Variants in PARD3 observed in about 807,000 individuals in gnomAD.
PARD3 encodes the protein par-3 family cell polarity regulator, also known as partitioning defective 3 homolog.
Under a neutral mutation model 155.4 loss-of-function variants are expected in PARD3, and 75 were observed. The ratio of observed to expected loss-of-function variants is 0.48; its 90% CI spans 0.40 to 0.58. PARD3 has a LOEUF of 0.58. PARD3 is among the 20% of genes least tolerant of loss of function. The pLI is 0.00. For synonymous variants in PARD3, 576 were observed against 610.5 expected (o/e 0.94, Z 0.83); for missense variants, 1,642 against 1,721.7 (o/e 0.95, Z 0.82).
At chr10:34,465,697 T>C (rs1228189750) in intron 4 of PARD3, among the ~76,000 whole-genome samples, 2 of 152,228 alleles carry the variant, frequency 1.3e-5, no homozygotes. Flanking sequence ...GTTTTTATAC[T>C]AAGTCTACCT....
intron 2 of PARD3, among the ~76,000 whole-genome samples, chr10:34,639,739 A>T (rs1479354234): frequency 6.6e-6 from 1 of 151,898 alleles, no homozygotes; most frequent in Non-Finnish European, 1.5e-5. Context: ...ACATGCTTGT[A>T]CCTGTAGTCC....
chr10:34,376,347 A>C (rs1226674946), intron 10 of PARD3, among the ~76,000 whole-genome samples: 1 of 152,242 alleles, frequency 6.6e-6, no homozygotes, highest in Non-Finnish European at 1.5e-5. Flanking sequence ...TTATGTGATA[A>C]AAGAAAAAAG....
intron 22 of PARD3, among the ~76,000 whole-genome samples, chr10:34,213,936 C>CTAG (rs1364389178): frequency 6.6e-6 from 1 of 152,022 alleles, no homozygotes; most frequent in Non-Finnish European, 1.5e-5. Flanking sequence ...GTTGCCCAGG[C>CTAG]TAGAGTGCAG....
intron 22 of PARD3, among the ~76,000 whole-genome samples, chr10:34,197,824 G>C (rs1369087499): frequency 6.6e-6 from 1 of 152,194 alleles, no homozygotes; most frequent in African/African-American, 2.4e-5. Context: ...CTGCCTCCCA[G>C]GTTCAAGTGA....
At chr10:34,777,003 A>ATTTTTT (rs758917237) in intron 1 of PARD3, among the ~76,000 whole-genome samples, 14 of 122,388 alleles carry the variant, frequency 1.1e-4, no homozygotes, top group African/African-American at 2.4e-4. Context: ...TGTCTGGCTA[A>ATTTTTT]TTTTTTTTTT....
intron 2 of PARD3, among the ~76,000 whole-genome samples, chr10:34,521,852 T>C (rs533642828): frequency 6.6e-6 from 1 of 152,324 alleles, no homozygotes; most frequent in African/African-American, 2.4e-5. Context: ...TGTAGCAAAG[T>C]GGCTAACAGC....
intron 2 of PARD3, among the ~76,000 whole-genome samples, chr10:34,615,722 C>T (rs960740572): frequency 1.6e-4 from 25 of 152,044 alleles, no homozygotes; most frequent in African/African-American, 5.8e-4. Flanking sequence ...GTAAAATATA[C>T]GATATATAAG....
rs139470981 is a variant in PARD3, at chr10:34,341,668, A to G, written c.2367T>C (p.Ala789=). ...TGATTGCAGCCTTGGCCCAAGTACC[A>G]GCATCTGCCGTCACAAACCCCACAT... is the stretch of plus-strand genomic sequence containing the variant. ...HDDVGFVTAD[A]GTWAKAAISD... is the part of the protein sequence containing the mutation. The change falls in exon 16 of 25, where the codon GCT becomes GCC. Residue 789 remains alanine, a synonymous_variant. Coordinates refer to ENST00000374788, the MANE Select transcript of PARD3 (RefSeq NM_001184785.2). 5.3e-5 allele frequency: 86 copies of G among 1,613,886 alleles called. No homozygotes were observed. The East Asian group carries it at 1.9e-3, about 36-fold the overall frequency.
intron 1 of PARD3, among the ~76,000 whole-genome samples, chr10:34,768,659 A>G (rs1328960643): frequency 1.3e-5 from 2 of 152,184 alleles, no homozygotes; most frequent in Admixed American, 6.5e-5. Context: ...TCCTTTCACA[A>G]GCCCTATTAC....
chr10:34,673,588 C>T (rs2093646050), intron 2 of PARD3, among the ~76,000 whole-genome samples: 1 of 152,172 alleles, frequency 6.6e-6, no homozygotes, highest in Admixed American at 6.5e-5. Context: ...ACACATTACT[C>T]CTTTAGGGCT....
intron 1 of PARD3, among the ~76,000 whole-genome samples, chr10:34,712,618 T>C (rs2094463888): frequency 6.6e-6 from 1 of 152,138 alleles, no homozygotes; most frequent in Admixed American, 6.5e-5. Flanking sequence ...GAAATCCACA[T>C]TTTCCCTTTA....
At chr10:34,168,787 T>G (rs1200317320) in intron 22 of PARD3, among the ~76,000 whole-genome samples, 1 of 152,226 alleles carries the variant, frequency 6.6e-6, no homozygotes, top group Non-Finnish European at 1.5e-5. Context: ...AAATTCCCAC[T>G]TCTGTATTTT....
chr10:34,730,694 G>C (rs1347580204), intron 1 of PARD3, among the ~76,000 whole-genome samples: 3 of 152,154 alleles, frequency 2.0e-5, no homozygotes, highest in Non-Finnish European at 4.4e-5. Flanking sequence ...GGCTGAGGTG[G>C]GAGGCTCACT....
At chr10:34,375,840 C>T (rs1159971770) in intron 10 of PARD3, among the ~76,000 whole-genome samples, 1 of 152,046 alleles carries the variant, frequency 6.6e-6, no homozygotes, top group Non-Finnish European at 1.5e-5. Flanking sequence ...AACATTTCCC[C>T]TTCTGAAAAA....
rs565005004 is a variant in PARD3, at chr10:34,111,255, G to A, written c.3976C>T (p.Arg1326Trp). 41 of 1,612,976 alleles carry A rather than the reference G, an allele frequency of 2.5e-5. No homozygotes were observed. Among genetic ancestry groups the A allele is most frequent in the African/African-American group, 4.0e-5 (3 of 75,018 alleles). Residue 1326 changes from arginine to tryptophan, a missense_variant, in exon 25 of 25, where the codon CGG becomes TGG. Physicochemically the swap from Arg to Trp is moderately radical, Grantham distance 101 (BLOSUM62 -3). Around this residue, in one of 3 missense-constraint regions of PARD3, gnomAD observed 1,529 missense variants for 1,587.3 expected, o/e 0.96. Transcript: ENST00000374788. Reference protein sequence around the residue: ...PSYAPPKGPFRQDVPPSPSQV... With the variant: ...PSYAPPKGPFWQDVPPSPSQV... ...GAAGGGGAGGGGGGCACATCTTGCC[G>A]GAAGGGCCCCTTGGGAGGGGCGTAA...
intron 22 of PARD3, among the ~76,000 whole-genome samples, chr10:34,245,352 A>G (rs920136054): frequency 7.9e-5 from 12 of 152,086 alleles, no homozygotes; most frequent in Non-Finnish European, 2.9e-5. Flanking sequence ...AATGAGGATA[A>G]ATACTGGGGA....
intron 7 of PARD3, among the ~76,000 whole-genome samples, chr10:34,387,513 C>T (rs904875118): frequency 1.4e-4 from 21 of 152,144 alleles, no homozygotes; most frequent in Non-Finnish European, 2.6e-4. Flanking sequence ...CCCCGGGGCT[C>T]AAGCAATCCT....
chr10:34,337,111 C>T (rs1466328256), intron 17 of PARD3, among the ~76,000 whole-genome samples, 164 bp downstream of exon 17: 2 of 152,040 alleles, frequency 1.3e-5, no homozygotes, highest in Non-Finnish European at 2.9e-5. Flanking sequence ...TGAGTAATAT[C>T]GTTATCTCAA....
intron 5 of PARD3, among the ~76,000 whole-genome samples, chr10:34,428,857 C>T (rs564106215): frequency 6.6e-6 from 1 of 152,146 alleles, no homozygotes; most frequent in Non-Finnish European, 1.5e-5. Flanking sequence ...TATATACACA[C>T]ATCCAAAATA....
Sources: gnomAD v4.1 joint callset for allele counts (sites outside exome capture counted in the v4.1 genomes callset) on GRCh38, gnomAD v4.1.1 for gene constraint, gnomAD v4.1.1 regional missense constraint, MANE v1.5 for transcripts, NCBI Gene and HGNC (gene_info 2026-07-23, HGNC 2026-07-21) for gene names.